POLR3B: variants seen among roughly 807,000 people sequenced by gnomAD.
POLR3B encodes RNA polymerase III subunit B, also known as DNA-directed RNA polymerase III subunit RPC2.
POLR3B carries 96 observed loss-of-function variants against 147.4 expected under a neutral mutation model. That is an observed-to-expected ratio of 0.65 (90% CI 0.55 to 0.77). The LOEUF is 0.77. Among genes scored for constraint, POLR3B ranks in the 30% least tolerant of loss-of-function variants. The pLI is 0.00. For missense variants in POLR3B, 1,036 were observed against 1,413.5 expected (o/e 0.73, Z 4.28); for synonymous variants, 461 against 485.9 (o/e 0.95, Z 0.67).
chr12:106,454,883 C>T (rs1231157151), intron 20 of POLR3B, among the ~76,000 whole-genome samples, 172 bp downstream of exon 20: 1 of 152,008 alleles, frequency 6.6e-6, no homozygotes, highest in African/African-American at 2.4e-5. Flanking sequence ...TTTTTAATGA[C>T]TAGTATATTG....
Position 106,496,771 on chromosome 12 carries a change from T to C in POLR3B, c.2837T>C (p.Leu946Pro). The change falls in exon 25 of 28, where the codon CTG becomes CCG. Residue 946 changes from leucine (L) to proline (P), a missense_variant. This residue lies in a region of POLR3B where 88 missense variants were observed against 87.5 expected (regional missense o/e 1.01). Coordinates refer to ENST00000228347, the MANE Select transcript of POLR3B (RefSeq NM_018082.6). ...SRMTVGKLIE[L>P]LAGKAGVLDG... The stretch of plus-strand genomic sequence containing the variant: ...CTGCAGGTGGGGAAGCTCATTGAGC[T>C]GCTGGCTGGCAAGGCCGGTGTGCTG... 1.2e-6 allele frequency: 2 copies of C among 1,614,162 alleles called. No homozygotes were observed. The highest frequency in any genetic ancestry group is 1.7e-6 in the Non-Finnish European group (2 of 1,180,028).
intron 12 of POLR3B, among the ~76,000 whole-genome samples, chr12:106,426,749 T>G (rs1253489968): frequency 6.6e-6 from 1 of 151,110 alleles, no homozygotes; most frequent in Non-Finnish European, 1.5e-5. Flanking sequence ...AACTGTTTCC[T>G]AAGTGATTGT....
intron 19 of POLR3B, among the ~76,000 whole-genome samples, chr12:106,453,500 T>G (rs967379604): frequency 4.6e-5 from 7 of 152,032 alleles, no homozygotes; most frequent in African/African-American, 1.4e-4. Flanking sequence ...TGGAAGCGTG[T>G]GCAAGAGAGA....
chr12:106,493,091 G>A (rs768803195), intron 23 of POLR3B, among the ~76,000 whole-genome samples: 1 of 152,212 alleles, frequency 6.6e-6, no homozygotes, highest in Non-Finnish European at 1.5e-5. Flanking sequence ...CTGAAATGCT[G>A]TGTAAGCATT....
At chr12:106,461,563 A>ACT in intron 22 of POLR3B, among the ~76,000 whole-genome samples, 1 of 151,644 alleles carries the variant, frequency 6.6e-6, no homozygotes, top group Non-Finnish European at 1.5e-5. Flanking sequence ...AATCAGACAG[A>ACT]CTCTTTGATC....
In POLR3B at chr12:106,504,335, C is replaced by A; in HGVS notation, c.3272+81C>A. On this transcript the variant is annotated intron_variant, in intron 27 of 27. Transcript: ENST00000228347. This position sits in a 1 kb window ranked among gnomAD's most constrained non-coding sequence, Gnocchi z 4.6. Reference sequence around the variant, plus strand: ...TCAAGAATTGACCCTGGATCCTATCCGCATATTCTCCAGCCTCTGTCTGTG... The same window carrying A: ...TCAAGAATTGACCCTGGATCCTATCAGCATATTCTCCAGCCTCTGTCTGTG... 1 of 1,122,428 alleles carries A rather than the reference C, an allele frequency of 8.9e-7. No homozygotes were observed. Among genetic ancestry groups the A allele is most frequent in the Non-Finnish European group, 1.4e-6 (1 of 732,508 alleles). 69.5% of individuals were successfully genotyped at this position (1,122,428 alleles called of 1,614,324 possible).
intron 10 of POLR3B, among the ~76,000 whole-genome samples, chr12:106,393,756 A>G (rs2036945740): frequency 7.2e-6 from 1 of 139,322 alleles, no homozygotes; most frequent in African/African-American, 2.8e-5. Context: ...TCAAAGATGA[A>G]GACTGAGAAA....
chr12:106,402,148 A>G (rs1274574836), intron 10 of POLR3B, among the ~76,000 whole-genome samples: 4 of 152,146 alleles, frequency 2.6e-5, no homozygotes, highest in African/African-American at 7.2e-5. Flanking sequence ...AAAAATCACA[A>G]GCATTCTTAT....
chr12:106,398,993 G>C (rs531689627), intron 10 of POLR3B, among the ~76,000 whole-genome samples: 27 of 152,308 alleles, frequency 1.8e-4, no homozygotes, highest in African/African-American at 6.3e-4. Flanking sequence ...GAATGACTTT[G>C]ACGAGTTGAG....
intron 1 of POLR3B, among the ~76,000 whole-genome samples, chr12:106,361,147 A>G (rs2036464517): frequency 6.6e-6 from 1 of 152,222 alleles, no homozygotes. Context: ...GAGGACATGT[A>G]CACTGGCTTT....
chr12:106,438,842 A>G (rs199541538), intron 18 of POLR3B, among the ~76,000 whole-genome samples: 1 of 150,048 alleles, frequency 6.7e-6, no homozygotes, highest in Non-Finnish European at 1.5e-5. Context: ...CAAAAACTCT[A>G]AGTTTATGTG....
At position 106,399,654 on chromosome 12, in the gene POLR3B, G is replaced by A. The variant is rs554387269; in HGVS notation, c.847-6203G>A. On this transcript the variant is annotated intron_variant, in intron 10 of 27. Transcript: ENST00000228347. ...TCAGCAGAAACTCTACAAGCCAGAA[G>A]AGAGTGGGGGCCAATATTCAACATT... Among the ~76,000 whole-genome samples the A allele has an allele frequency of 8.9e-4, 135 of 152,362 alleles. 6 individuals carry two copies. In the South Asian group the frequency reaches 0.027, roughly 31 times the overall value.
At chr12:106,427,123 A>G in intron 12 of POLR3B, 74 bp from the exon 13 acceptor site, 1 of 997,830 alleles carries the variant, frequency 1.0e-6, no homozygotes, top group East Asian at 2.6e-5. Context: ...AAAAATCTTA[A>G]GACCTAAAAT....
chr12:106,364,994 G>A (rs1255784275), intron 2 of POLR3B, among the ~76,000 whole-genome samples: 3 of 152,162 alleles, frequency 2.0e-5, no homozygotes, highest in African/African-American at 7.2e-5. Flanking sequence ...AATTAGCTGG[G>A]TGTGGTGGCG....
rs2038745969 is a variant in POLR3B at position 106,509,717 on chromosome 12, A to G, written c.*168A>G. On this transcript the variant is annotated 3_prime_UTR_variant, in exon 28 of 28. Coordinates refer to ENST00000228347, the MANE Select transcript of POLR3B (RefSeq NM_018082.6). ...CTTTTTATATACTCTAAGACTGGCT[A>G]AACAACCTTGATCATTGAGCCTCGA... The G allele has an allele frequency of 3.3e-6, 2 of 602,720 alleles. No homozygotes were observed. Among genetic ancestry groups the G allele is most frequent in the Non-Finnish European group, 5.9e-6 (2 of 341,406 alleles). 37.3% of individuals were successfully genotyped at this position (602,720 alleles called of 1,614,324 possible).
At chr12:106,415,592 T>TA (rs951086968) in intron 12 of POLR3B, among the ~76,000 whole-genome samples, 5 of 152,214 alleles carry the variant, frequency 3.3e-5, no homozygotes, top group Admixed American at 3.3e-4. Flanking sequence ...CTGTGAATGA[T>TA]ACCACTGGCC....
At chr12:106,508,424 A>G (rs187218915) in intron 27 of POLR3B, among the ~76,000 whole-genome samples, 1 of 152,262 alleles carries the variant, frequency 6.6e-6, no homozygotes, top group East Asian at 1.9e-4. Context: ...CTCAGTTGCT[A>G]TTCTTCTTGG....
intron 10 of POLR3B, among the ~76,000 whole-genome samples, chr12:106,404,331 G>C (rs974199252): frequency 6.6e-6 from 1 of 152,112 alleles, no homozygotes; most frequent in Non-Finnish European, 1.5e-5. Flanking sequence ...TACTTCAGGT[G>C]ATCTGCCCGC....
At chr12:106,434,539 G>A (rs2037551434) in intron 16 of POLR3B, among the ~76,000 whole-genome samples, 1 of 151,286 alleles carries the variant, frequency 6.6e-6, no homozygotes, top group East Asian at 1.9e-4. Flanking sequence ...ATTTATTAAG[G>A]GCCTATTGTG....
Sources: gnomAD v4.1 joint callset for allele counts (sites outside exome capture counted in the v4.1 genomes callset) on GRCh38, gnomAD v4.1.1 for gene constraint, gnomAD v4.1.1 regional missense constraint, Gnocchi (gnomAD v3.1) non-coding constraint, MANE v1.5 for transcripts, NCBI Gene and HGNC (gene_info 2026-07-23, HGNC 2026-07-21) for gene names.